Variants in CLYBL observed in about 807,000 individuals in gnomAD.
The protein encoded by CLYBL is citramalyl-CoA lyase.
A neutral mutation model predicts 38.9 loss-of-function variants in CLYBL; 31 were observed. The observed-to-expected ratio is 0.80, with a 90% CI of 0.60 to 1.08. CLYBL has a LOEUF of 1.08. Ranked by LOEUF, CLYBL falls within the 50% of genes least tolerant of loss-of-function variation. CLYBL has a pLI of 0.00. For missense variants in CLYBL, 434 were observed against 411.6 expected (o/e 1.05, Z -0.47); for synonymous variants, 171 against 158.6 (o/e 1.08, Z -0.59).
intron 1 of CLYBL, among the ~76,000 whole-genome samples, chr13:99,745,559 C>T (rs1002931087): frequency 2.0e-5 from 3 of 152,174 alleles, no homozygotes; most frequent in Admixed American, 2.0e-4. Flanking sequence ...GCACATTAAA[C>T]ATACTTCAAA....
intron 2 of CLYBL, among the ~76,000 whole-genome samples, chr13:99,855,810 C>T (rs571370759): frequency 1.3e-5 from 2 of 152,108 alleles, no homozygotes; most frequent in East Asian, 1.9e-4. Context: ...TCAACATGCT[C>T]GCTGGTTGGG....
chr13:99,802,276 C>T (rs1036492959), intron 2 of CLYBL, among the ~76,000 whole-genome samples: 11 of 152,126 alleles, frequency 7.2e-5, no homozygotes, highest in African/African-American at 2.7e-4. Flanking sequence ...ATCCCCATCA[C>T]ATTGGGGATT....
At chr13:99,743,494 T>G (rs1040551572) in intron 1 of CLYBL, among the ~76,000 whole-genome samples, 1 of 152,234 alleles carries the variant, frequency 6.6e-6, no homozygotes, top group Non-Finnish European at 1.5e-5. Flanking sequence ...TCTAAGGTAT[T>G]CTGGCCATTC....
At chr13:99,793,033 A>AAAACAC (rs368975807) in intron 2 of CLYBL, among the ~76,000 whole-genome samples, 1,533 of 146,024 alleles carry the variant, frequency 0.01, 9 homozygotes, top group Middle Eastern at 0.031. Flanking sequence ...GTGCATACAT[A>AAAACAC]ACACACACAC....
chr13:99,719,911 CT>C (rs959278738), intron 1 of CLYBL, among the ~76,000 whole-genome samples: 15 of 151,328 alleles, frequency 9.9e-5, no homozygotes, highest in African/African-American at 3.2e-4. Flanking sequence ...TAAATTGAAA[CT>C]TTTTTTTTCT....
chr13:99,706,654 A>G (rs1363863668), intron 1 of CLYBL, among the ~76,000 whole-genome samples: 1 of 152,140 alleles, frequency 6.6e-6, no homozygotes, highest in African/African-American at 2.4e-5. Context: ...ATTGCTCATG[A>G]TGTTACAGTA....
At chr13:99,735,877 C>A (rs1212460741) in intron 1 of CLYBL, among the ~76,000 whole-genome samples, 3 of 151,988 alleles carry the variant, frequency 2.0e-5, no homozygotes, top group Non-Finnish European at 2.9e-5. Flanking sequence ...ATCCCTAATA[C>A]ACTGTAGATA....
chr13:99,841,722 C>T (rs571964631), intron 2 of CLYBL, among the ~76,000 whole-genome samples: 2 of 152,006 alleles, frequency 1.3e-5, no homozygotes, highest in South Asian at 2.1e-4. Context: ...TTAAGCTTTA[C>T]GTGACAACGT....
chr13:99,841,302 A>T (rs1490440786), intron 2 of CLYBL, among the ~76,000 whole-genome samples: 2 of 152,238 alleles, frequency 1.3e-5, no homozygotes, highest in African/African-American at 2.4e-5. Context: ...CATAGGAGAG[A>T]AAAAGTAATA....
rs577963973 is a variant in CLYBL, at chr13:99,717,404, C to T, written c.63-55420C>T. Among the ~76,000 whole-genome samples, 20 of 124,268 alleles carry T rather than the reference C, an allele frequency of 1.6e-4. No homozygotes were observed. In the South Asian group the frequency reaches 2.3e-3, roughly 14 times the overall value. 81.5% of individuals were successfully genotyped at this position (124,268 alleles called of 152,430 possible). A position where few individuals can be genotyped will look rare whatever the true frequency, so the allele number is the denominator to read the frequency against. On this transcript the variant is annotated intron_variant, in intron 1 of 8. Transcript: ENST00000339105. ...TCATGCCGTTGCACTCCAGCCTGGG[C>T]GACAGAGTGAGACTCTATCTCAAAA...
exon 10 of CLYBL, among the ~76,000 whole-genome samples, chr13:99,908,701 G>C (rs1040844001): frequency 6.6e-6 from 1 of 152,184 alleles, no homozygotes; most frequent in Non-Finnish European, 1.5e-5. Flanking sequence ...AGACAAGTGT[G>C]TCCAATTTAA....
intron 1 of CLYBL, among the ~76,000 whole-genome samples, chr13:99,754,087 CA>C (rs71121003): frequency 8.4e-4 from 38 of 45,406 alleles, no homozygotes; most frequent in African/African-American, 1.3e-3. Flanking sequence ...AACTCGGTCT[CA>C]AAAAAAAAAA....
At chr13:99,854,678 T>C (rs1181742836) in intron 2 of CLYBL, among the ~76,000 whole-genome samples, 1 of 152,192 alleles carries the variant, frequency 6.6e-6, no homozygotes, top group Non-Finnish European at 1.5e-5. Context: ...GATGATTAGT[T>C]ATTAGCTTTA....
At chr13:99,650,481 C>T (rs922000137) in intron 1 of CLYBL, among the ~76,000 whole-genome samples, 1 of 152,164 alleles carries the variant, frequency 6.6e-6, no homozygotes, top group Non-Finnish European at 1.5e-5. Flanking sequence ...CTCAGTTGCC[C>T]ATCTACTTTC....
At chr13:99,695,068 G>A (rs943715902) in intron 1 of CLYBL, among the ~76,000 whole-genome samples, 1 of 152,012 alleles carries the variant, frequency 6.6e-6, no homozygotes, top group Non-Finnish European at 1.5e-5. Flanking sequence ...TGGGTAAGCC[G>A]CGAATCCCCT....
At chr13:99,608,204 TG>T (rs780992750) in intron 1 of CLYBL, among the ~76,000 whole-genome samples, 31 of 151,474 alleles carry the variant, frequency 2.0e-4, no homozygotes, top group Non-Finnish European at 3.2e-4. Context: ...CCGGAGTAGT[TG>T]GGATTACAGG....
At chr13:99,793,838 G>A (rs574460976) in intron 2 of CLYBL, among the ~76,000 whole-genome samples, 116 of 150,864 alleles carry the variant, frequency 7.7e-4, no homozygotes, top group Non-Finnish European at 1.1e-3. Context: ...CAGAAAGCCC[G>A]GGCCTAGGCA....
chr13:99,735,770 A>G (rs2048656240), intron 1 of CLYBL, among the ~76,000 whole-genome samples: 2 of 152,186 alleles, frequency 1.3e-5, no homozygotes. Flanking sequence ...GGATTTAATA[A>G]ATGTTAAAGA....
At chr13:99,777,411 C>T (rs1338205170) in intron 2 of CLYBL, among the ~76,000 whole-genome samples, 1 of 152,126 alleles carries the variant, frequency 6.6e-6, no homozygotes, top group Admixed American at 6.5e-5. Context: ...CAAGTCAGTA[C>T]CTCATTGCTA....
Sources: allele counts gnomAD v4.1 joint callset (sites outside exome capture counted in the v4.1 genomes callset), GRCh38; gene constraint gnomAD v4.1.1; transcripts MANE v1.5; gene names NCBI Gene and HGNC (gene_info 2026-07-23, HGNC 2026-07-21).